Variants in SFMBT2 observed in about 807,000 individuals in gnomAD.
SFMBT2 encodes scm-like with four MBT domains protein 2.
In SFMBT2, 38 loss-of-function variants were observed where a neutral mutation model predicts 110.1. The ratio of observed to expected loss-of-function variants is 0.35; its 90% CI spans 0.27 to 0.45. The LOEUF (loss-of-function observed/expected upper bound fraction) is 0.45, where lower values mean the gene tolerates loss of function less well. Among genes scored for constraint, SFMBT2 ranks in the 20% least tolerant of loss-of-function variants. SFMBT2 has a pLI of 1.00. For missense variants in SFMBT2, 1,011 were observed against 1,094.9 expected, an observed-to-expected ratio of 0.92 and a Z score of 1.08; for synonymous variants, 425 against 425.4, an observed-to-expected ratio of 1.00 and a Z score of 0.01.
In SFMBT2 at chr10:7,171,548, G is replaced by T; in HGVS notation, c.2415+347C>A. On this transcript the variant is annotated intron_variant, in intron 19 of 20. Coordinates refer to ENST00000397167, the MANE Select transcript of SFMBT2 (RefSeq NM_001387889.1). This position sits in a 1 kb window ranked among gnomAD's most constrained non-coding sequence, Gnocchi z 4.9. ...GGTGTCCTATAGAGGGGACGTGGGA[G>T]CAAGACACAGCGCAGTCAGGGGAGA... The T allele has an allele frequency of 1.0e-6, 1 of 985,418 alleles. No homozygotes were observed. Among genetic ancestry groups the T allele is most frequent in the South Asian group, 4.7e-5 (1 of 21,286 alleles). The allele number at this position is 985,418 out of a possible 1,614,324, so 61.0% of individuals were successfully genotyped here. A position where few individuals can be genotyped will look rare whatever the true frequency, so the allele number is the denominator to read the frequency against.
At chr10:7,311,611 C>T (rs1401947666) in intron 4 of SFMBT2, among the ~76,000 whole-genome samples, 1 of 152,146 alleles carries the variant, frequency 6.6e-6, no homozygotes, top group Admixed American at 6.5e-5. Flanking sequence ...TAATCACCAC[C>T]CTTCAGTTAA....
intron 7 of SFMBT2, among the ~76,000 whole-genome samples, chr10:7,273,309 A>T (rs925251530): frequency 6.6e-6 from 1 of 152,210 alleles, no homozygotes; most frequent in Non-Finnish European, 1.5e-5. Context: ...TTTTGACTAC[A>T]CTAAAAAGAT....
chr10:7,256,026 A>G lies in SFMBT2; in HGVS notation c.871-7377T>C, dbSNP rs564267846. On this transcript the variant is annotated intron_variant, in intron 7 of 20. Transcript: ENST00000397167. ...TCAGGCTGTAATATCAAGTGGACAG[A>G]AACAGCTAACATGTTGTAAATACTG... Among the ~76,000 whole-genome samples, 10 of 152,352 alleles carry G rather than the reference A, an allele frequency of 6.6e-5. No homozygotes were observed. In the South Asian group the frequency reaches 1.9e-3, roughly 28 times the overall value.
chr10:7,262,648 A>C (rs1185828735), intron 7 of SFMBT2, among the ~76,000 whole-genome samples: 2 of 152,224 alleles, frequency 1.3e-5, no homozygotes, highest in African/African-American at 2.4e-5. Flanking sequence ...GATTAAAAGC[A>C]AGTTGCTATC....
intron 11 of SFMBT2, among the ~76,000 whole-genome samples, chr10:7,208,816 T>C (rs1839238144): frequency 6.6e-6 from 1 of 152,244 alleles, no homozygotes; most frequent in Non-Finnish European, 1.5e-5. Flanking sequence ...TACGCTTCAG[T>C]ACAATGTATA....
intron 7 of SFMBT2, among the ~76,000 whole-genome samples, chr10:7,260,335 G>A (rs893532168): frequency 1.3e-5 from 2 of 152,178 alleles, no homozygotes; most frequent in African/African-American, 2.4e-5. Context: ...CAGAGAAAAG[G>A]CAAGTGAATA....
chr10:7,356,157 C>T (rs1844504133), intron 4 of SFMBT2, among the ~76,000 whole-genome samples: 1 of 152,176 alleles, frequency 6.6e-6, no homozygotes, highest in Admixed American at 6.5e-5. Context: ...GAGGGAGAGG[C>T]ATCTCCGTAC....
chr10:7,410,016 T>C (rs918682562), intron 1 of SFMBT2, among the ~76,000 whole-genome samples: 8 of 151,522 alleles, frequency 5.3e-5, no homozygotes, highest in Non-Finnish European at 1.0e-4. Context: ...GTTCCTACAG[T>C]TGCATTTTGG....
At chr10:7,215,313 A>T (rs1209162340) in intron 11 of SFMBT2, among the ~76,000 whole-genome samples, 1 of 152,104 alleles carries the variant, frequency 6.6e-6, no homozygotes, top group Non-Finnish European at 1.5e-5. Flanking sequence ...GCTGAGGTGG[A>T]AGGATTATTT....
intron 20 of SFMBT2, chr10:7,164,206 G>T: frequency 1.3e-6 from 1 of 793,604 alleles, no homozygotes; most frequent in Non-Finnish European, 1.5e-6. Context: ...GGGTAACACG[G>T]TGAGATACGG....
intron 10 of SFMBT2, among the ~76,000 whole-genome samples, chr10:7,222,357 G>GGA (rs1345687307): frequency 2.0e-5 from 3 of 152,244 alleles, no homozygotes; most frequent in East Asian, 1.9e-4. Flanking sequence ...TGCTCAGGCT[G>GGA]CTGTGGCAAA....
intron 4 of SFMBT2, among the ~76,000 whole-genome samples, chr10:7,290,182 G>A (rs963751123): frequency 6.6e-6 from 1 of 151,774 alleles, no homozygotes; most frequent in Admixed American, 6.6e-5. Flanking sequence ...TTCAGGTGGA[G>A]GAAGGTTTAC....
intron 16 of SFMBT2, among the ~76,000 whole-genome samples, chr10:7,186,995 C>A (rs1390568796): frequency 6.6e-6 from 1 of 152,184 alleles, no homozygotes; most frequent in Non-Finnish European, 1.5e-5. Flanking sequence ...GCTGCCTTTA[C>A]AATTCAGTAG....
At chr10:7,400,848 C>G (rs923104279) in intron 1 of SFMBT2, among the ~76,000 whole-genome samples, 2 of 152,214 alleles carry the variant, frequency 1.3e-5, no homozygotes, top group East Asian at 1.9e-4. Flanking sequence ...AAGCATCCCC[C>G]CCGGCCAGGC....
intron 10 of SFMBT2, among the ~76,000 whole-genome samples, chr10:7,226,717 G>A (rs1049422703): frequency 7.9e-5 from 12 of 152,274 alleles, no homozygotes; most frequent in Admixed American, 2.6e-4. Context: ...TGATAATTTT[G>A]TAAACTACAG....
chr10:7,246,948 G>A (rs186586602), intron 8 of SFMBT2, among the ~76,000 whole-genome samples: 4 of 152,012 alleles, frequency 2.6e-5, no homozygotes, highest in East Asian at 1.9e-4. Context: ...AAAAATATCC[G>A]ACAACTGACA....
chr10:7,173,392 T>C (rs1054512930), intron 17 of SFMBT2, among the ~76,000 whole-genome samples: 1 of 152,330 alleles, frequency 6.6e-6, no homozygotes, highest in East Asian at 1.9e-4. Context: ...GGTCCTGGCA[T>C]GAGGGACTCC....
chr10:7,208,686 CAAAAAAAAAAAAAAGA>C (rs1366261098), intron 11 of SFMBT2, among the ~76,000 whole-genome samples: 78 of 140,222 alleles, frequency 5.6e-4, no homozygotes, highest in Non-Finnish European at 1.0e-3. Context: ...AATTCCATCT[CAAAAAAAAAAAAAAGA>C]AAAAAAAAAA....
intron 4 of SFMBT2, among the ~76,000 whole-genome samples, chr10:7,304,331 T>C (rs1842634819): frequency 6.6e-6 from 1 of 152,172 alleles, no homozygotes; most frequent in Non-Finnish European, 1.5e-5. Context: ...GACATACCTT[T>C]GTTCCCCTTT....
Sources: allele counts gnomAD v4.1 joint callset (sites outside exome capture counted in the v4.1 genomes callset), GRCh38; gene constraint gnomAD v4.1.1; non-coding constraint Gnocchi (gnomAD v3.1); transcripts MANE v1.5; gene names NCBI Gene and HGNC (gene_info 2026-07-23, HGNC 2026-07-21).